The following PCDHGB1 variants were observed in gnomAD, a reference collection of about 807,000 sequenced individuals.
PCDHGB1 encodes the protein protocadherin gamma-B1.
Under a neutral mutation model 56.6 loss-of-function variants are expected in PCDHGB1, and 34 were observed. The observed-to-expected ratio is 0.60, with a 90% CI of 0.46 to 0.80. The LOEUF (loss-of-function observed/expected upper bound fraction) is 0.80, where lower values mean the gene tolerates loss of function less well. PCDHGB1 is among the 30% of genes least tolerant of loss of function. The probability of loss-of-function intolerance (pLI) is 0.00; values close to 1 mark genes in which losing one functional copy is unlikely to be tolerated. For synonymous variants in PCDHGB1, 561 were observed against 505.9 expected, an observed-to-expected ratio of 1.11 and a Z score of -1.46; for missense variants, 1,278 against 1,204.6, an observed-to-expected ratio of 1.06 and a Z score of -0.90.
rs150692324 is a variant in PCDHGB1 at position 141,431,149 on chromosome 5, G to T, written c.2410-63658G>T. 1.2e-6 allele frequency: 2 copies of T among 1,614,210 alleles called. No homozygotes were observed. Among genetic ancestry groups the T allele is most frequent in the Non-Finnish European group, 1.7e-6 (2 of 1,180,020 alleles). ...AAGTAAGGGACATTAACGACAATGC[G>T]CCTTACTTTCGTGAAAGTGAATTAG... On this transcript the variant is annotated intron_variant, in intron 1 of 3. Coordinates refer to ENST00000523390, the MANE Select transcript of PCDHGB1 (RefSeq NM_018922.3). This position sits in a 1 kb window ranked among gnomAD's most constrained non-coding sequence, Gnocchi z 4.8.
intron 2 of PCDHGB1, among the ~76,000 whole-genome samples, chr5:141,497,522 G>A (rs998999424): frequency 3.3e-5 from 5 of 150,848 alleles, no homozygotes; most frequent in African/African-American, 4.9e-5. Flanking sequence ...TAGTTAACTT[G>A]TGGAGGATGC....
chr5:141,477,634 G>C lies in PCDHGB1; in HGVS notation c.2410-17173G>C. 2 of 1,614,176 alleles carry C rather than the reference G, an allele frequency of 1.2e-6. No individual in the cohort carries two copies. Among genetic ancestry groups the C allele is most frequent in the Non-Finnish European group, 1.7e-6 (2 of 1,180,034 alleles). On this transcript the variant is annotated intron_variant, in intron 1 of 3. Transcript: ENST00000523390. This position sits in a 1 kb window ranked among gnomAD's most constrained non-coding sequence, Gnocchi z 4.9. Reference sequence around the variant, plus strand: ...AGCAAGGAGCTGAAACCGGGCTAGTGGGTCGCTATTTCACAATAAATCGTG... The same window carrying C: ...AGCAAGGAGCTGAAACCGGGCTAGTCGGTCGCTATTTCACAATAAATCGTG...
chr5:141,365,660 G>A (rs752963380), intron 1 of PCDHGB1: 2 of 1,613,380 alleles, frequency 1.2e-6, no homozygotes, highest in Non-Finnish European at 1.7e-6. Context: ...GAAAGTAGCA[G>A]ACGTTAATGA....
At chr5:141,395,234 T>C in intron 1 of PCDHGB1, 1 of 1,601,772 alleles carries the variant, frequency 6.2e-7, no homozygotes, top group Non-Finnish European at 8.5e-7. Flanking sequence ...CTGATCATGG[T>C]CAGGTGAGTT....
At chr5:141,415,266 G>T in intron 1 of PCDHGB1, 1 of 1,614,218 alleles carries the variant, frequency 6.2e-7, no homozygotes, top group Non-Finnish European at 8.5e-7. Flanking sequence ...CTCTGTACCT[G>T]GTGGTAGCGG....
intron 2 of PCDHGB1, among the ~76,000 whole-genome samples, chr5:141,500,877 A>AT (rs369345007): frequency 0.053 from 6,532 of 122,188 alleles, 326 homozygotes; most frequent in Admixed American, 0.19. Context: ...TTCATTTACA[A>AT]TTTTTTTTTT....
intron 1 of PCDHGB1, chr5:141,405,157 G>T: frequency 6.2e-7 from 1 of 1,614,072 alleles, no homozygotes. Context: ...TGGCTGGTGT[G>T]CCCACCTCAC....
intron 1 of PCDHGB1, chr5:141,365,993 C>T (rs1267153888): frequency 6.2e-7 from 1 of 1,614,110 alleles, no homozygotes; most frequent in Non-Finnish European, 8.5e-7. Context: ...TGTGCTGGAC[C>T]AGAACGACAA....
rs768074414 is a variant in PCDHGB1 at position 141,477,293 on chromosome 5, C to T, written c.2410-17514C>T. 8.1e-6 allele frequency: 13 copies of T among 1,614,180 alleles called. No homozygotes were observed. The highest frequency in any genetic ancestry group is 1.1e-5 in the Non-Finnish European group (13 of 1,180,036). ...CGGGCTGGTGACCTGCGAAGTTCCA[C>T]CGGGTCTCCCTTTCAGCCTTACTTC... On this transcript the variant is annotated intron_variant, in intron 1 of 3. Coordinates refer to ENST00000523390, the MANE Select transcript of PCDHGB1 (RefSeq NM_018922.3). This position sits in a 1 kb window ranked among gnomAD's most constrained non-coding sequence, Gnocchi z 4.9.
At chr5:141,410,595 C>T (rs753833671) in intron 1 of PCDHGB1, 1 of 1,608,802 alleles carries the variant, frequency 6.2e-7, no homozygotes. Flanking sequence ...GAGGATTTGA[C>T]TTCACATCCT....
intron 1 of PCDHGB1, chr5:141,410,694 T>C: frequency 6.7e-7 from 1 of 1,493,788 alleles, no homozygotes; most frequent in Non-Finnish European, 8.9e-7. Context: ...TACTACTTTA[T>C]TTTCATATCT....
chr5:141,489,944 T>A lies in PCDHGB1; in HGVS notation c.2410-4863T>A. On this transcript the variant is annotated intron_variant, in intron 1 of 3. Coordinates refer to ENST00000523390, the MANE Select transcript of PCDHGB1 (RefSeq NM_018922.3). The surrounding 1 kb of genome is among the most constrained non-coding windows in gnomAD (Gnocchi z 4.5). ...CTTATCTCTGTCATCGTGCTGGACA[T>A]CAATGATAATGCTCCAACCTTCCAA... 1 of 1,614,172 alleles carries A rather than the reference T, an allele frequency of 6.2e-7. No individual in the cohort carries two copies. The highest frequency in any genetic ancestry group is 8.5e-7 in the Non-Finnish European group (1 of 1,180,010).
At chr5:141,393,248 C>T (rs1242966092) in intron 1 of PCDHGB1, 2 of 1,613,798 alleles carry the variant, frequency 1.2e-6, no homozygotes, top group Middle Eastern at 1.7e-4. Context: ...TTAACGAAAT[C>T]GCGGTTCCTG....
At chr5:141,438,631 TATATACAC>T (rs1213304454) in intron 1 of PCDHGB1, among the ~76,000 whole-genome samples, 683 of 43,114 alleles carry the variant, frequency 0.016, 2 homozygotes, top group African/African-American at 0.049. Context: ...TATATATATA[TATATACAC>T]ACACACACAC....
At position 141,477,160 on chromosome 5, in the gene PCDHGB1, C is replaced by G. The variant is rs768436526; in HGVS notation, c.2410-17647C>G. 2 of 1,614,186 alleles carry G rather than the reference C, an allele frequency of 1.2e-6. No homozygotes were observed. Among genetic ancestry groups the G allele is most frequent in the Admixed American group, 1.7e-5 (1 of 60,020 alleles). On this transcript the variant is annotated intron_variant, in intron 1 of 3. Transcript: ENST00000523390. The surrounding 1 kb of genome is among the most constrained non-coding windows in gnomAD (Gnocchi z 4.9). ...TGGAGGTTGTGGATGTGAATGACAA[C>G]GCCCCGGAGATCACAGTCACCTCCG...
chr5:141,350,959 T>C lies in PCDHGB1; in HGVS notation c.699T>C (p.Asn233=). Residue 233 remains asparagine (N), a synonymous_variant, in exon 1 of 4, where the codon AAT becomes AAC. Coordinates refer to ENST00000523390, the MANE Select transcript of PCDHGB1 (RefSeq NM_018922.3). ...TCTGGATCCGAGTTACGGATGCCAA[T>C]GATAATGCTCCCGTGTTTAGCCAGG... is the stretch of plus-strand genomic sequence containing the variant. ...THIWIRVTDA[N]DNAPVFSQEV... The C allele has an allele frequency of 1.9e-6, 3 of 1,614,092 alleles. No individual in the cohort carries two copies. Among genetic ancestry groups the C allele is most frequent in the Non-Finnish European group, 2.5e-6 (3 of 1,179,910 alleles).
intron 1 of PCDHGB1, chr5:141,389,021 A>G: frequency 6.2e-7 from 1 of 1,614,004 alleles, no homozygotes; most frequent in Non-Finnish European, 8.5e-7. Context: ...ACAATGGAGA[A>G]GTGACTTGTA....
At chr5:141,423,694 T>A in intron 1 of PCDHGB1, 1 of 1,501,554 alleles carries the variant, frequency 6.7e-7, no homozygotes, top group Non-Finnish European at 8.9e-7. Context: ...TAATTGTTGG[T>A]GTCTTGGCAC....
At chr5:141,428,358 G>A in intron 1 of PCDHGB1, 2 of 565,492 alleles carry the variant, frequency 3.5e-6, no homozygotes, top group South Asian at 1.9e-5. Context: ...TGATTTTGGC[G>A]GTCGCCTTGC....
Sources: allele counts gnomAD v4.1 joint callset (sites outside exome capture counted in the v4.1 genomes callset), GRCh38; gene constraint gnomAD v4.1.1; non-coding constraint Gnocchi (gnomAD v3.1); transcripts MANE v1.5; gene names NCBI Gene and HGNC (gene_info 2026-07-23, HGNC 2026-07-21).